The following TLN2 variants were observed in gnomAD, a reference collection of about 807,000 sequenced individuals.
TLN2 encodes talin 2, also known as talin-2.
A neutral mutation model predicts 294.7 loss-of-function variants in TLN2; 118 were observed. The observed-to-expected ratio is 0.40, with a 90% confidence interval of 0.34 to 0.47. TLN2 has a LOEUF of 0.47. Ranked by LOEUF, TLN2 falls within the 20% of genes least tolerant of loss-of-function variation. The pLI is 0.84. For missense variants in TLN2, 3,083 were observed against 3,282.2 expected (o/e 0.94, Z 1.48); for synonymous variants, 1,431 against 1,304.5 (o/e 1.10, Z -2.09).
chr15:62,390,581 C>G lies in TLN2; in HGVS notation c.-342C>G, dbSNP rs1163816516. 6.6e-6 allele frequency: 1 copy of G among 152,228 alleles called. No homozygotes were observed. Among genetic ancestry groups the G allele is most frequent in the Non-Finnish European group, 1.5e-5 (1 of 68,064 alleles). The allele number at this position is 152,228 out of a possible 1,614,324, so 9.4% of individuals were successfully genotyped here. ...CGCCCGGAGCCAGCGGCGGCGGCAG[C>G]GGCTGAGGCGGCTGCGGGAGCGGAG... On this transcript the variant is annotated 5_prime_UTR_variant, in exon 1 of 59. Transcript: ENST00000636159.
At chr15:62,830,102 A>G (rs2068646125) in intron 54 of TLN2, 1 of 152,220 alleles carries the variant, frequency 6.6e-6, no homozygotes, top group South Asian at 2.1e-4. Flanking sequence ...GATTAGTCAT[A>G]ATCTTTAAAA....
At chr15:62,613,897 A>G (rs542751929) in intron 2 of TLN2, among the ~76,000 whole-genome samples, 1 of 152,128 alleles carries the variant, frequency 6.6e-6, no homozygotes, top group Non-Finnish European at 1.5e-5. Context: ...CCTTTTAAAT[A>G]AAATTCTGGA....
chr15:62,694,140 GTA>G (rs1207681112), intron 13 of TLN2, among the ~76,000 whole-genome samples, 174 bp from the exon 14 acceptor site: 6 of 151,558 alleles, frequency 4.0e-5, no homozygotes, highest in Non-Finnish European at 7.4e-5. Context: ...GCTGATTTAT[GTA>G]TATATATATT....
At chr15:62,639,115 C>T (rs964620733) in intron 3 of TLN2, among the ~76,000 whole-genome samples, 1 of 152,090 alleles carries the variant, frequency 6.6e-6, no homozygotes, top group African/African-American at 2.4e-5. Context: ...GTATAGTGGG[C>T]ACTGTGATAG....
intron 1 of TLN2, among the ~76,000 whole-genome samples, chr15:62,499,693 CTGGG>C (rs2039201700): frequency 6.6e-6 from 1 of 152,086 alleles, no homozygotes; most frequent in Non-Finnish European, 1.5e-5. Context: ...CCTCCACCTC[CTGGG>C]TTCAAGCAAT....
intron 1 of TLN2, among the ~76,000 whole-genome samples, chr15:62,463,342 C>T (rs774033560): frequency 1.3e-5 from 2 of 152,044 alleles, no homozygotes; most frequent in African/African-American, 2.4e-5. Flanking sequence ...TGGTGAGAAC[C>T]GTTGTTGTTA....
intron 51 of TLN2, among the ~76,000 whole-genome samples, chr15:62,806,927 G>C (rs1019787963): frequency 1.3e-5 from 2 of 152,152 alleles, no homozygotes; most frequent in African/African-American, 4.8e-5. Flanking sequence ...ATGGCTTCTT[G>C]GTGGCTCCTC....
At position 62,708,526 on chromosome 15, in the gene TLN2, C is replaced by A; in HGVS notation, c.2197C>A (p.Pro733Thr). The A allele has an allele frequency of 6.2e-7, 1 of 1,613,978 alleles. No homozygotes were observed. Residue 733 changes from proline (P) to threonine (T), a missense_variant, in exon 21 of 59, where the codon CCT becomes ACT. By Grantham distance (38) the Pro-to-Thr change is conservative. Coordinates refer to ENST00000636159, the MANE Select transcript of TLN2 (RefSeq NM_015059.3). ...AKVVSPTISS[P>T]VCQEQLIEAG... ...GGTTGTGAGCCCCACTATTAGCTCC[C>A]CTGTGTGCCAGGAGCAGCTGATTGA...
chr15:62,738,064 T>G, intron 29 of TLN2, 150 bp from the exon 30 acceptor site: 1 of 776,196 alleles, frequency 1.3e-6, no homozygotes, highest in Non-Finnish European at 2.0e-6. Flanking sequence ...GGGGCCTGGA[T>G]GAGGTGATGT....
At chr15:62,529,450 C>G (rs771957195) in intron 1 of TLN2, among the ~76,000 whole-genome samples, 1 of 151,800 alleles carries the variant, frequency 6.6e-6, no homozygotes. Context: ...GGAGAGAACT[C>G]GTATTGCAAC....
At chr15:62,588,569 T>C (rs1277622152) in intron 1 of TLN2, among the ~76,000 whole-genome samples, 1 of 149,364 alleles carries the variant, frequency 6.7e-6, no homozygotes, top group Non-Finnish European at 1.5e-5. Flanking sequence ...AAGGCGGAGA[T>C]AACAGTGAGC....
intron 45 of TLN2, among the ~76,000 whole-genome samples, chr15:62,785,012 A>G (rs1361266840): frequency 6.6e-6 from 1 of 152,212 alleles, no homozygotes; most frequent in Non-Finnish European, 1.5e-5. Flanking sequence ...TGTGGTAACA[A>G]TGCATGTAAA....
Position 62,717,538 on chromosome 15 carries a change from C to T in TLN2, c.2764-38C>T, listed in dbSNP as rs2059858173. 2.8e-6 allele frequency: 4 copies of T among 1,405,786 alleles called. No homozygotes were observed. The East Asian group carries it at 7.7e-5, about 27-fold the overall frequency. The allele number at this position is 1,405,786 out of a possible 1,614,324, so 87.1% of individuals were successfully genotyped here. On this transcript the variant is annotated intron_variant, in intron 23 of 58. Transcript: ENST00000636159. ...ACCTGTAGAACATGCATGTATATTGCATATGCAGATCCTGACTCATCTATC... is the reference window on the plus strand; with the variant it reads ...ACCTGTAGAACATGCATGTATATTGTATATGCAGATCCTGACTCATCTATC...
At chr15:62,692,153 C>G (rs143576174) in intron 12 of TLN2, among the ~76,000 whole-genome samples, 2 of 152,334 alleles carry the variant, frequency 1.3e-5, no homozygotes, top group African/African-American at 2.4e-5. Context: ...AAGGTTCCTG[C>G]TCAAACCCTG....
At chr15:62,461,771 A>T (rs1011221802) in intron 1 of TLN2, among the ~76,000 whole-genome samples, 3 of 152,212 alleles carry the variant, frequency 2.0e-5, no homozygotes, top group African/African-American at 7.2e-5. Flanking sequence ...ACTCCATGCG[A>T]GGGGAAGAGC....
chr15:62,524,427 A>G (rs911769770), intron 1 of TLN2, among the ~76,000 whole-genome samples: 2 of 152,144 alleles, frequency 1.3e-5, no homozygotes, highest in Admixed American at 6.5e-5. Context: ...GACCTGCCTC[A>G]TCGGGGTGCT....
chr15:62,611,438 G>A (rs1305595210), intron 2 of TLN2, among the ~76,000 whole-genome samples: 1 of 152,196 alleles, frequency 6.6e-6, no homozygotes, highest in Non-Finnish European at 1.5e-5. Flanking sequence ...ATAGACAGTA[G>A]TCCCCAGAGG....
intron 12 of TLN2, among the ~76,000 whole-genome samples, chr15:62,690,931 G>A (rs36116995): frequency 0.45 from 67,360 of 148,086 alleles, 16,793 homozygotes; most frequent in Middle Eastern, 0.63. Context: ...GGAGAATCAG[G>A]CAGGGAGGTT....
chr15:62,521,691 G>A (rs749913062), intron 1 of TLN2, among the ~76,000 whole-genome samples: 1 of 152,090 alleles, frequency 6.6e-6, no homozygotes, highest in African/African-American at 2.4e-5. Flanking sequence ...GATCTTAAAA[G>A]GTGTCAGACT....
Sources: allele counts gnomAD v4.1 joint callset (sites outside exome capture counted in the v4.1 genomes callset), GRCh38; gene constraint gnomAD v4.1.1; transcripts MANE v1.5; gene names NCBI Gene and HGNC (gene_info 2026-07-23, HGNC 2026-07-21).